The following VRK2 variants were observed in gnomAD, a reference collection of about 807,000 sequenced individuals.
The protein encoded by VRK2 is VRK serine/threonine kinase 2.
In VRK2, 60 loss-of-function variants were observed where a neutral mutation model predicts 57.6. That is an observed-to-expected ratio of 1.04 (90% CI 0.85 to 1.29). The LOEUF (loss-of-function observed/expected upper bound fraction) is 1.29, where lower values mean the gene tolerates loss of function less well. Ranked by LOEUF, VRK2 falls within the 50% of genes most tolerant of loss-of-function variation. The pLI is 0.00. For synonymous variants in VRK2, 231 were observed against 199.2 expected (o/e 1.16, Z -1.35); for missense variants, 705 against 588.1 (o/e 1.20, Z -2.06).
intron 1 of VRK2, chr2:58,048,453 G>A: frequency 1.2e-6 from 1 of 806,910 alleles, no homozygotes; most frequent in East Asian, 6.3e-5. Flanking sequence ...CATTCTCAGT[G>A]ACAGCAATAT....
At chr2:57,981,722 T>C (rs1035319963) in intron 1 of VRK2, among the ~76,000 whole-genome samples, 5 of 152,240 alleles carry the variant, frequency 3.3e-5, no homozygotes, top group Non-Finnish European at 7.3e-5. Context: ...TTCTTGGAGA[T>C]TTTATTCAAT....
intron 9 of VRK2, among the ~76,000 whole-genome samples, chr2:58,133,628 AC>A (rs1679539406): frequency 2.0e-5 from 3 of 152,160 alleles, no homozygotes; most frequent in African/African-American, 4.8e-5. Flanking sequence ...AGAGGTGGTG[AC>A]TCACTCACAC....
chr2:58,151,659 GTCCCTTTTTACC>G (rs1683048474), intron 12 of VRK2, among the ~76,000 whole-genome samples: 1 of 117,630 alleles, frequency 8.5e-6, no homozygotes, highest in Non-Finnish European at 1.8e-5. Flanking sequence ...TTTGTTCTTT[GTCCCTTTTTACC>G]TCCCTCTTGC....
At chr2:58,058,203 T>C in intron 2 of VRK2, 2 of 367,934 alleles carry the variant, frequency 5.4e-6, no homozygotes, top group South Asian at 4.2e-5. Context: ...GAATTAATTT[T>C]TTTTCAAAAC....
chr2:57,985,148 CTT>C (rs981975542), intron 1 of VRK2, among the ~76,000 whole-genome samples: 2 of 151,900 alleles, frequency 1.3e-5, no homozygotes, highest in African/African-American at 4.8e-5. Flanking sequence ...TTGGGTAAAA[CTT>C]AATTTAATAG....
intron 10 of VRK2, among the ~76,000 whole-genome samples, chr2:58,137,506 T>C (rs2104594066): frequency 6.6e-6 from 1 of 152,072 alleles, no homozygotes; most frequent in Admixed American, 6.6e-5. Flanking sequence ...CTATTATTTA[T>C]AAAATGCAGA....
intron 1 of VRK2, among the ~76,000 whole-genome samples, chr2:57,915,481 A>G (rs1670117628): frequency 6.6e-6 from 1 of 152,180 alleles, no homozygotes; most frequent in Non-Finnish European, 1.5e-5. Context: ...TAAAGATACA[A>G]TAATTATATA....
In VRK2 at chr2:58,120,184, C is replaced by CTTTTTTTTTTTT. The variant is rs397868874; in HGVS notation, c.544-2904_544-2893dup. Among the ~76,000 whole-genome samples, 72 of 51,962 alleles carry CTTTTTTTTTTTT rather than the reference C, an allele frequency of 1.4e-3. 8 individuals carry two copies. The highest frequency in any genetic ancestry group is 6.5e-3 in the African/African-American group (63 of 9,622). 34.1% of individuals were successfully genotyped at this position (51,962 alleles called of 152,430 possible). A position where few individuals can be genotyped will look rare whatever the true frequency, so the allele number is the denominator to read the frequency against. ...CTTTTTGTCTATTTTTTTTTCTTTT[C>CTTTTTTTTTTTT]TTTTTTTTTTTTTTTTTTTTTTTTG... On this transcript the variant is annotated intron_variant, in intron 7 of 12. Transcript: ENST00000340157.
chr2:58,095,275 C>G (rs1206355388), intron 7 of VRK2, among the ~76,000 whole-genome samples: 7 of 138,774 alleles, frequency 5.0e-5, no homozygotes, highest in East Asian at 4.1e-4. Context: ...GCCTGGGTGA[C>G]AGAGCGAGAC....
rs769706686 is a variant in VRK2 at position 58,048,889 on chromosome 2, GT to G, written c.60del (p.Leu21TrpfsTer22). 6.2e-7 allele frequency: 1 copy of G among 1,613,998 alleles called. No individual in the cohort carries two copies. The highest frequency in any genetic ancestry group is 8.5e-7 in the Non-Finnish European group (1 of 1,179,954). ...KLPIPFPEGK[V>X]LDDMEGNQWV... ...TCCTATTCCATTTCCAGAAGGCAAGGTTCTGGATGATATGGAAGGCAATCAG... is the reference window on the plus strand; with the variant it reads ...TCCTATTCCATTTCCAGAAGGCAAGGTCTGGATGATATGGAAGGCAATCAG... On this transcript the variant is annotated frameshift_variant, in exon 2 of 13. Transcript: ENST00000340157. LOFTEE classifies it high-confidence loss of function.
chr2:58,026,616 T>C (rs1572797758), intron 2 of VRK2: 1 of 152,212 alleles, frequency 6.6e-6, no homozygotes, highest in South Asian at 2.1e-4. Flanking sequence ...AAAGTACCAT[T>C]TAATAACCTT....
At chr2:58,102,459 A>C (rs75075750) in intron 7 of VRK2, among the ~76,000 whole-genome samples, 2,446 of 150,790 alleles carry the variant, frequency 0.016, 26 homozygotes, top group Non-Finnish European at 0.025. Flanking sequence ...CCATGCTTGT[A>C]TCAGATAAAA....
intron 1 of VRK2, among the ~76,000 whole-genome samples, chr2:58,003,132 A>C (rs1673140123): frequency 6.6e-6 from 1 of 152,204 alleles, no homozygotes; most frequent in South Asian, 2.1e-4. Context: ...ACATAAACTA[A>C]GCTTTACAAT....
intron 1 of VRK2, among the ~76,000 whole-genome samples, chr2:57,931,366 G>A (rs754746292): frequency 1.3e-4 from 20 of 152,022 alleles, no homozygotes; most frequent in African/African-American, 1.7e-4. Flanking sequence ...TTTCCCTGAT[G>A]ATTAGTGATG....
Position 58,084,948 on chromosome 2 carries a change from G to C in VRK2, c.254G>C (p.Cys85Ser). 1 of 1,580,104 alleles carries C rather than the reference G, an allele frequency of 6.3e-7. No homozygotes were observed. The highest frequency in any genetic ancestry group is 1.2e-5 in the South Asian group (1 of 84,448). The change falls in exon 4 of 13, where the codon TGT becomes TCT. Residue 85 changes from cysteine to serine, a missense_variant and splice_region_variant. By Grantham distance (112) the Cys-to-Ser change is moderately radical. Coordinates refer to ENST00000340157, the MANE Select transcript of VRK2 (RefSeq NM_006296.7). ...TATCAGAGAGTTGCAAAAAAAGACT[G>C]TAGTAAGTAAAATTAGCAAAGCAAG... ...KFYQRVAKKDCIKKWIERKQL... is the reference protein window; with the variant it reads ...KFYQRVAKKDSIKKWIERKQL...
intron 2 of VRK2, among the ~76,000 whole-genome samples, chr2:58,029,019 T>C (rs1468492903): frequency 6.7e-6 from 1 of 148,382 alleles, no homozygotes; most frequent in African/African-American, 2.5e-5. Flanking sequence ...CTGACAGTTA[T>C]ATTAAAACAC....
chr2:58,064,921 CTT>C (rs1287110861), intron 2 of VRK2, among the ~76,000 whole-genome samples: 1 of 151,922 alleles, frequency 6.6e-6, no homozygotes, highest in Non-Finnish European at 1.5e-5. Flanking sequence ...ACCAGTATCA[CTT>C]TGCTTGTTCT....
At chr2:58,033,833 C>T (rs1365737986) in intron 3 of VRK2, among the ~76,000 whole-genome samples, 1 of 151,988 alleles carries the variant, frequency 6.6e-6, no homozygotes, top group Non-Finnish European at 1.5e-5. Flanking sequence ...GTTTGGTCAT[C>T]CACAGAGAGC....
At chr2:57,979,960 A>C (rs1672371600) in intron 1 of VRK2, among the ~76,000 whole-genome samples, 1 of 152,012 alleles carries the variant, frequency 6.6e-6, no homozygotes, top group Admixed American at 6.6e-5. Flanking sequence ...AGAGTCTATA[A>C]ATCTTATTAA....
Sources: allele counts gnomAD v4.1 joint callset (sites outside exome capture counted in the v4.1 genomes callset), GRCh38; gene constraint gnomAD v4.1.1; transcripts MANE v1.5; gene names NCBI Gene and HGNC (gene_info 2026-07-23, HGNC 2026-07-21).